TRHDE: variants seen among roughly 807,000 people sequenced by gnomAD.
TRHDE encodes thyrotropin releasing hormone degrading enzyme.
TRHDE carries 72 observed loss-of-function variants against 125.7 expected under a neutral mutation model. The ratio of observed to expected loss-of-function variants is 0.57; its 90% CI spans 0.47 to 0.70. The LOEUF is 0.70. TRHDE is among the 30% of genes least tolerant of loss of function. The pLI, the probability that TRHDE is intolerant of heterozygous loss-of-function variation, is 0.00. For missense variants in TRHDE, 1,110 were observed against 1,327.1 expected (o/e 0.84, Z 2.54); for synonymous variants, 509 against 509.1 (o/e 1.00, Z 0.00).
intron 3 of TRHDE, among the ~76,000 whole-genome samples, chr12:72,417,508 A>G (rs2135822402): frequency 6.6e-6 from 1 of 152,070 alleles, no homozygotes; most frequent in South Asian, 2.1e-4. Flanking sequence ...CCTGAAATTG[A>G]TTCTATCTGT....
intron 3 of TRHDE, among the ~76,000 whole-genome samples, chr12:72,429,866 A>T (rs933122349): frequency 1.3e-5 from 2 of 151,962 alleles, no homozygotes; most frequent in Admixed American, 1.3e-4. Context: ...TTTTTTTATT[A>T]TTGAGTTGTA....
At chr12:72,455,989 A>T (rs1318999434) in intron 3 of TRHDE, among the ~76,000 whole-genome samples, 1 of 151,820 alleles carries the variant, frequency 6.6e-6, no homozygotes, top group African/African-American at 2.4e-5. Flanking sequence ...TATATTTCCT[A>T]TACATATATG....
intron 3 of TRHDE, among the ~76,000 whole-genome samples, chr12:72,425,936 A>ATG (rs1874165738): frequency 6.6e-6 from 1 of 152,104 alleles, no homozygotes; most frequent in South Asian, 2.1e-4. Flanking sequence ...TCATATATAT[A>ATG]TATAATTACA....
Position 72,133,829 on chromosome 12 carries a change from A to G in TRHDE, n.279+28077A>G, listed in dbSNP as rs2139309573. Among the ~76,000 whole-genome samples the G allele has an allele frequency of 1.3e-5, 2 of 152,170 alleles. 1 individual carries two copies. The highest frequency in any genetic ancestry group is 6.8e-3 in the Middle Eastern group (2 of 294). The stretch of plus-strand genomic sequence containing the variant: ...CGAAAGCTGCAGCATCCCTTTTCTG[A>G]CAACAGCTGCCTCTCCTTTCACCTC... On this transcript the variant is annotated intron_variant and non_coding_transcript_variant, in intron 2 of 4. Coordinates refer to the TRHDE transcript ENST00000548156.
chr12:72,407,762 G>C (rs1177025048), intron 3 of TRHDE, among the ~76,000 whole-genome samples: 2 of 152,170 alleles, frequency 1.3e-5, no homozygotes, highest in Non-Finnish European at 2.9e-5. Flanking sequence ...AACAAACACA[G>C]GGCGCACTCT....
chr12:72,598,141 A>G (rs1872057025), intron 12 of TRHDE, among the ~76,000 whole-genome samples: 1 of 152,186 alleles, frequency 6.6e-6, no homozygotes, highest in Non-Finnish European at 1.5e-5. Flanking sequence ...GTTAGTAACT[A>G]ACAGAGCTAA....
At chr12:72,441,400 A>G (rs542805222) in intron 3 of TRHDE, among the ~76,000 whole-genome samples, 1 of 151,950 alleles carries the variant, frequency 6.6e-6, no homozygotes, top group East Asian at 1.9e-4. Context: ...TCCTACCTCC[A>G]TGATGACTGT....
At chr12:72,515,468 C>T (rs528415240) in intron 6 of TRHDE, among the ~76,000 whole-genome samples, 2 of 152,044 alleles carry the variant, frequency 1.3e-5, no homozygotes, top group African/African-American at 4.8e-5. Flanking sequence ...GTCCTTTGCT[C>T]ACTTTTTGAT....
At chr12:72,394,715 C>A (rs1366729053) in intron 3 of TRHDE, among the ~76,000 whole-genome samples, 1 of 152,184 alleles carries the variant, frequency 6.6e-6, no homozygotes, top group Non-Finnish European at 1.5e-5. Context: ...TTACATCTTG[C>A]AGCATACAAG....
At chr12:72,120,405 T>C in intron 2 of TRHDE, among the ~76,000 whole-genome samples, 1 of 152,162 alleles carries the variant, frequency 6.6e-6, no homozygotes, top group African/African-American at 2.4e-5. Context: ...CTCTTTCTTC[T>C]TTCCTTCCTT....
chr12:72,565,468 A>T (rs1436795325), intron 9 of TRHDE, among the ~76,000 whole-genome samples: 4 of 152,154 alleles, frequency 2.6e-5, no homozygotes, highest in African/African-American at 9.7e-5. Context: ...ACGGAGTATA[A>T]AATATATTCT....
At chr12:72,209,240 G>A in intron 2 of TRHDE, among the ~76,000 whole-genome samples, 1 of 152,092 alleles carries the variant, frequency 6.6e-6, no homozygotes, top group Non-Finnish European at 1.5e-5. Context: ...AGTAACAGGT[G>A]GCTGCTCAGC....
intron 2 of TRHDE, among the ~76,000 whole-genome samples, chr12:72,334,305 C>T (rs4468388): frequency 0.35 from 52,579 of 151,840 alleles, 9,781 homozygotes; most frequent in Non-Finnish European, 0.43. Flanking sequence ...GGGTTCAATC[C>T]GATTCTTCAT....
chr12:72,240,569 A>G (rs992810967), intron 2 of TRHDE, among the ~76,000 whole-genome samples: 1 of 144,764 alleles, frequency 6.9e-6, no homozygotes, highest in Non-Finnish European at 1.5e-5. Flanking sequence ...TCTCCAATTA[A>G]TTTTTTTTTT....
chr12:72,502,344 T>C (rs1326753616), intron 6 of TRHDE, among the ~76,000 whole-genome samples: 2 of 152,142 alleles, frequency 1.3e-5, no homozygotes, highest in Admixed American at 1.3e-4. Context: ...AATTTTGATA[T>C]GTTGAAGTTT....
intron 2 of TRHDE, among the ~76,000 whole-genome samples, chr12:72,131,166 G>C (rs983822537): frequency 6.7e-6 from 1 of 150,178 alleles, no homozygotes; most frequent in Non-Finnish European, 1.5e-5. Context: ...CCGCCTCCCG[G>C]GTTCACGCCA....
chr12:72,249,841 C>T (rs1878643432), intron 2 of TRHDE, among the ~76,000 whole-genome samples: 1 of 152,146 alleles, frequency 6.6e-6, no homozygotes, highest in Non-Finnish European at 1.5e-5. Context: ...AAGACTCATA[C>T]ATGAATATTC....
intron 12 of TRHDE, among the ~76,000 whole-genome samples, chr12:72,597,715 A>G (rs1350459777): frequency 0.041 from 88 of 2,160 alleles, 6 homozygotes; most frequent in Middle Eastern, 0.25. Context: ...GTGTGTATGT[A>G]TATATATATA....
At chr12:72,357,134 T>G (rs918838748) in intron 2 of TRHDE, among the ~76,000 whole-genome samples, 6 of 151,520 alleles carry the variant, frequency 4.0e-5, no homozygotes, top group African/African-American at 1.5e-4. Context: ...GATTCAATTC[T>G]ATTCCTATCA....
Sources: gnomAD v4.1 joint callset for allele counts (sites outside exome capture counted in the v4.1 genomes callset) on GRCh38, gnomAD v4.1.1 for gene constraint, MANE v1.5 for transcripts, NCBI Gene and HGNC (gene_info 2026-07-23, HGNC 2026-07-21) for gene names.